Variants in FRMD4B observed in about 807,000 individuals in gnomAD.
FRMD4B encodes the protein FERM domain-containing protein 4B.
A neutral mutation model predicts 141.5 loss-of-function variants in FRMD4B; 74 were observed. The observed-to-expected ratio is 0.52, with a 90% confidence interval of 0.43 to 0.63. FRMD4B has a LOEUF of 0.63. Ranked by LOEUF, FRMD4B falls within the 30% of genes least tolerant of loss-of-function variation. FRMD4B has a pLI of 0.00. For synonymous variants in FRMD4B, 506 were observed against 467.9 expected (o/e 1.08, Z -1.05); for missense variants, 1,366 against 1,253.4 (o/e 1.09, Z -1.36).
intron 7 of FRMD4B, among the ~76,000 whole-genome samples, chr3:69,239,810 A>G (rs533282323): frequency 6.6e-6 from 1 of 152,156 alleles, no homozygotes; most frequent in South Asian, 2.1e-4. Context: ...TAATCCCAGT[A>G]CTTTGGGAAG....
intron 1 of FRMD4B, among the ~76,000 whole-genome samples, chr3:69,494,567 G>A (rs901932111): frequency 4.6e-5 from 7 of 152,218 alleles, no homozygotes; most frequent in Admixed American, 3.9e-4. Flanking sequence ...GAAGAGGGGT[G>A]GTAGTCAAAG....
intron 3 of FRMD4B, chr3:69,306,595 C>T (rs961454892): frequency 2.0e-5 from 3 of 152,174 alleles, no homozygotes; most frequent in African/African-American, 7.2e-5. Context: ...CTGCGCAAGG[C>T]CCTAACAAGC....
At chr3:69,536,304 C>T in intron 1 of FRMD4B, 2 of 642,600 alleles carry the variant, frequency 3.1e-6, no homozygotes, top group Non-Finnish European at 2.9e-6. Flanking sequence ...GGATTTTCCT[C>T]TTGTGCTTGG....
At chr3:69,371,426 T>C (rs576853828) in intron 1 of FRMD4B, among the ~76,000 whole-genome samples, 1 of 152,242 alleles carries the variant, frequency 6.6e-6, no homozygotes, top group African/African-American at 2.4e-5. Context: ...GTAGAGATAG[T>C]AAGGCCAGGT....
intron 5 of FRMD4B, among the ~76,000 whole-genome samples, chr3:69,283,429 C>CA (rs59444542): frequency 0.018 from 2,479 of 139,384 alleles, 26 homozygotes; most frequent in African/African-American, 0.025. Context: ...GCAACAACAA[C>CA]AAAAAAAAAA....
At chr3:69,338,321 G>A (rs533863577) in intron 1 of FRMD4B, among the ~76,000 whole-genome samples, 1 of 152,294 alleles carries the variant, frequency 6.6e-6, no homozygotes, top group Admixed American at 6.5e-5. Flanking sequence ...TGGGGAGAGG[G>A]GGGAGGGATA....
intron 1 of FRMD4B, among the ~76,000 whole-genome samples, chr3:69,366,520 AAAATTT>A: frequency 6.6e-6 from 1 of 152,250 alleles, no homozygotes; most frequent in East Asian, 1.9e-4. Flanking sequence ...CACCTCTGTA[AAAATTT>A]ATATTATAAT....
chr3:69,418,053 C>G (rs1217628234), intron 2 of FRMD4B, among the ~76,000 whole-genome samples: 1 of 152,100 alleles, frequency 6.6e-6, no homozygotes, highest in African/African-American at 2.4e-5. Context: ...TTTTTCATCT[C>G]AAGAAACTTA....
At chr3:69,258,947 A>G (rs1003485737) in intron 5 of FRMD4B, among the ~76,000 whole-genome samples, 4 of 152,206 alleles carry the variant, frequency 2.6e-5, no homozygotes, top group African/African-American at 9.6e-5. Flanking sequence ...ACCAGGGACC[A>G]GTTTTGTAGA....
At chr3:69,455,878 C>G (rs114908669) in intron 1 of FRMD4B, among the ~76,000 whole-genome samples, 1 of 152,206 alleles carries the variant, frequency 6.6e-6, no homozygotes, top group Non-Finnish European at 1.5e-5. Flanking sequence ...GAGACTTCTA[C>G]TCTAGGTTCA....
chr3:69,200,722 A>T (rs913046494), intron 11 of FRMD4B: 1 of 1,269,342 alleles, frequency 7.9e-7, no homozygotes, highest in Admixed American at 2.3e-5. Flanking sequence ...GATTTGCCTG[A>T]TACTTCCTAG....
At chr3:69,274,187 A>G (rs2093607730) in intron 5 of FRMD4B, among the ~76,000 whole-genome samples, 1 of 152,206 alleles carries the variant, frequency 6.6e-6, no homozygotes, top group Non-Finnish European at 1.5e-5. Context: ...CTTACTATAC[A>G]ATAGCAGTGG....
At chr3:69,281,154 G>A (rs899212834) in intron 5 of FRMD4B, among the ~76,000 whole-genome samples, 1 of 151,186 alleles carries the variant, frequency 6.6e-6, no homozygotes. Flanking sequence ...GGCTGGTCTC[G>A]AACTTCTGAC....
rs1018260402 is a variant in FRMD4B, at chr3:69,344,616, G to GCT, written c.163-31101_163-31100dup. ...GTGGCAGAGTTAGACCTGGAGTCCA[G>GCT]CTCTCTCTCTCTCTTGTCTACTGGG... On this transcript the variant is annotated intron_variant, in intron 1 of 22. Transcript: ENST00000398540. Among the ~76,000 whole-genome samples the GCT allele has an allele frequency of 4.1e-3, 624 of 151,722 alleles. 3 individuals carry two copies. The highest frequency in any genetic ancestry group is 0.013 in the African/African-American group (556 of 41,458).
intron 19 of FRMD4B, among the ~76,000 whole-genome samples, chr3:69,185,911 G>T (rs550150853): frequency 6.6e-6 from 1 of 151,704 alleles, no homozygotes; most frequent in African/African-American, 2.4e-5. Flanking sequence ...GTGTGGTGGC[G>T]GGCATCTGTA....
intron 1 of FRMD4B, among the ~76,000 whole-genome samples, chr3:69,515,472 G>A (rs77851822): frequency 0.016 from 2,370 of 152,094 alleles, 61 homozygotes; most frequent in African/African-American, 0.054. Flanking sequence ...ATTTATTTAC[G>A]TATTTGGTCT....
At chr3:69,473,567 T>C (rs999833256) in intron 1 of FRMD4B, among the ~76,000 whole-genome samples, 1 of 152,206 alleles carries the variant, frequency 6.6e-6, no homozygotes, top group Non-Finnish European at 1.5e-5. Flanking sequence ...TCTCCAGCCA[T>C]ATCAATCTCT....
intron 1 of FRMD4B, among the ~76,000 whole-genome samples, chr3:69,480,693 C>T (rs1032793452): frequency 4.6e-5 from 7 of 152,194 alleles, no homozygotes; most frequent in Non-Finnish European, 1.0e-4. Flanking sequence ...TCTGCCCGTT[C>T]TCAGATCTCC....
intron 1 of FRMD4B, among the ~76,000 whole-genome samples, chr3:69,479,820 T>G (rs1706086231): frequency 6.6e-6 from 1 of 152,250 alleles, no homozygotes; most frequent in Admixed American, 6.5e-5. Context: ...TTGGTTCCAT[T>G]CACCCCGTTA....
Sources: gnomAD v4.1 joint callset for allele counts (sites outside exome capture counted in the v4.1 genomes callset) on GRCh38, gnomAD v4.1.1 for gene constraint, MANE v1.5 for transcripts, NCBI Gene and HGNC (gene_info 2026-07-23, HGNC 2026-07-21) for gene names.